The following KCNIP2 variants were observed in gnomAD, a reference collection of about 807,000 sequenced individuals.
The protein encoded by KCNIP2 is potassium voltage-gated channel interacting protein 2.
Under a neutral mutation model 39.0 loss-of-function variants are expected in KCNIP2, and 19 were observed. That is an observed-to-expected ratio of 0.49 (90% confidence interval 0.34 to 0.71). KCNIP2 has a LOEUF of 0.71. Among genes scored for constraint, KCNIP2 ranks in the 30% least tolerant of loss-of-function variants. The probability of loss-of-function intolerance (pLI) is 0.01; values close to 1 mark genes in which losing one functional copy is unlikely to be tolerated. For synonymous variants in KCNIP2, 111 were observed against 131.2 expected (o/e 0.85, Z 1.05); for missense variants, 261 against 346.0 (o/e 0.75, Z 1.95).
At chr10:101,829,410 C>T (rs1589858218) in intron 3 of KCNIP2, 2 of 603,096 alleles carry the variant, frequency 3.3e-6, no homozygotes, top group African/African-American at 1.9e-5. Flanking sequence ...AAGGCCTGGC[C>T]TGGCCCCAGA....
intron 1 of KCNIP2, among the ~76,000 whole-genome samples, chr10:101,840,062 G>T (rs549917112): frequency 1.3e-5 from 2 of 151,734 alleles, no homozygotes; most frequent in Non-Finnish European, 2.9e-5. Context: ...CTGGACGGGG[G>T]GGGGGGGTGG....
At chr10:101,829,500 T>G in intron 3 of KCNIP2, 1 of 466,332 alleles carries the variant, frequency 2.1e-6, no homozygotes, top group Non-Finnish European at 3.8e-6. Flanking sequence ...CATCTTCGTT[T>G]TAGAAAGGGA....
rs747944587 is a variant in KCNIP2 at position 101,828,371 on chromosome 10, C to T, written c.489+18G>A. ...ACTCCAGGAAACAGGCTTCCCTGGC[C>T]CACCTCGCCCAGCTCACCTCAAAAC... On this transcript the variant is annotated intron_variant, in intron 6 of 9. Coordinates refer to ENST00000356640, the MANE Select transcript of KCNIP2 (RefSeq NM_173191.3). This position sits in a 1 kb window ranked among gnomAD's most constrained non-coding sequence, Gnocchi z 6.6. The T allele has an allele frequency of 1.2e-6, 2 of 1,614,026 alleles. No individual in the cohort carries two copies. Among genetic ancestry groups the T allele is most frequent in the South Asian group, 1.1e-5 (1 of 91,046 alleles).
chr10:101,839,210 C>T (rs2066247139), intron 1 of KCNIP2, among the ~76,000 whole-genome samples: 1 of 152,180 alleles, frequency 6.6e-6, no homozygotes. Flanking sequence ...AATACACACT[C>T]CCAGAGAGAG....
Position 101,843,664 on chromosome 10 carries a change from C to T in KCNIP2, c.-96G>A. The T allele has an allele frequency of 1.6e-6, 1 of 620,294 alleles. No homozygotes were observed. Among genetic ancestry groups the T allele is most frequent in the South Asian group, 2.8e-5 (1 of 35,456 alleles). 38.4% of individuals were successfully genotyped at this position (620,294 alleles called of 1,614,324 possible). ...CGGCGCCCCCTGGCGGCCTACTGTG[C>T]TGTCGGGGCTGGGGAAGTCCGGGCT... On this transcript the variant is annotated 5_prime_UTR_variant, in exon 1 of 10. Coordinates refer to ENST00000356640, the MANE Select transcript of KCNIP2 (RefSeq NM_173191.3). The surrounding 1 kb of genome is among the most constrained non-coding windows in gnomAD (Gnocchi z 6.7).
At chr10:101,830,927 C>T (rs1589863551) in intron 2 of KCNIP2, 145 bp downstream of exon 2, 1 of 762,934 alleles carries the variant, frequency 1.3e-6, no homozygotes, top group Non-Finnish European at 2.2e-6. Flanking sequence ...CCCCCACACA[C>T]GCAGGCCTGG....
At chr10:101,842,377 G>A (rs958714072) in intron 1 of KCNIP2, among the ~76,000 whole-genome samples, 5 of 152,224 alleles carry the variant, frequency 3.3e-5, no homozygotes, top group South Asian at 4.1e-4. Flanking sequence ...GAGGATGCCC[G>A]GGCAGCCAAG....
In KCNIP2 at chr10:101,828,272, AG is replaced by A. The variant is rs753920509; in HGVS notation, c.490-15del. 3 of 1,613,348 alleles carry A rather than the reference AG, an allele frequency of 1.9e-6. No homozygotes were observed. In the Admixed American group the frequency reaches 5.0e-5, roughly 27 times the overall value. ...AGCCACAAAGTCCTGGGAAGGAGGC[AG>A]GAGGGAGCTGTGTCCTCGGGTACTC... On this transcript the variant is annotated splice_polypyrimidine_tract_variant and intron_variant, in intron 6 of 9. Coordinates refer to ENST00000356640, the MANE Select transcript of KCNIP2 (RefSeq NM_173191.3). This position sits in a 1 kb window ranked among gnomAD's most constrained non-coding sequence, Gnocchi z 6.6.
At chr10:101,834,343 A>C in intron 1 of KCNIP2, 1 of 399,242 alleles carries the variant, frequency 2.5e-6, no homozygotes, top group Non-Finnish European at 4.4e-6. Flanking sequence ...CGAGCACAGC[A>C]ACCATCTCCA....
chr10:101,831,367 T>C (rs1387611190), intron 1 of KCNIP2, among the ~76,000 whole-genome samples, 200 bp from the exon 2 acceptor site: 4 of 152,056 alleles, frequency 2.6e-5, no homozygotes, highest in Admixed American at 2.6e-4. Flanking sequence ...CTCAGGCACT[T>C]GGTTTAATGG....
rs756366199 is a variant in KCNIP2 at position 101,843,595 on chromosome 10, G to A, written c.-27C>T. 12 of 1,400,322 alleles carry A rather than the reference G, an allele frequency of 8.6e-6. No individual in the cohort carries two copies. In the East Asian group the frequency reaches 2.2e-4, roughly 26 times the overall value. 86.7% of individuals were successfully genotyped at this position (1,400,322 alleles called of 1,614,324 possible). A position where few individuals can be genotyped will look rare whatever the true frequency, so the allele number is the denominator to read the frequency against. On this transcript the variant is annotated 5_prime_UTR_variant, in exon 1 of 10. Transcript: ENST00000356640. The surrounding 1 kb of genome is among the most constrained non-coding windows in gnomAD (Gnocchi z 6.7). ...GCCCCCGGCGCCCCGCTCCCGCCCG[G>A]GCCGTGGGAGGGGGCGCCGGGTGGC...
intron 1 of KCNIP2, among the ~76,000 whole-genome samples, chr10:101,842,209 C>T (rs1209461725): frequency 6.6e-6 from 1 of 152,242 alleles, no homozygotes; most frequent in Non-Finnish European, 1.5e-5. Flanking sequence ...TGCTGGCTTT[C>T]TAGAGCAGGC....
Position 101,832,344 on chromosome 10 carries a change from G to A in KCNIP2, c.74-1177C>T, listed in dbSNP as rs551034523. On this transcript the variant is annotated intron_variant, in intron 1 of 9. Transcript: ENST00000356640. ...TGTGTGTGTGTGTGTGTGTGTGTCTGTGTCTCCCAGCTGCACTGCATCCAG... is the reference window on the plus strand; with the variant it reads ...TGTGTGTGTGTGTGTGTGTGTGTCTATGTCTCCCAGCTGCACTGCATCCAG... Among the ~76,000 whole-genome samples, 310 of 146,826 alleles carry A rather than the reference G, an allele frequency of 2.1e-3. 1 individual carries two copies. The highest frequency in any genetic ancestry group is 3.1e-3 in the Non-Finnish European group (209 of 66,500).
intron 1 of KCNIP2, among the ~76,000 whole-genome samples, chr10:101,837,849 T>G (rs187389831): frequency 6.6e-6 from 1 of 152,178 alleles, no homozygotes; most frequent in Admixed American, 6.5e-5. Context: ...AAACCTTGAA[T>G]GCCAAGCCAG....
chr10:101,830,326 T>C, intron 2 of KCNIP2: 1 of 1,133,126 alleles, frequency 8.8e-7, no homozygotes. Context: ...CGCCATCCTC[T>C]ACACCTGTCA....
chr10:101,834,412 A>G, intron 1 of KCNIP2: 1 of 399,018 alleles, frequency 2.5e-6, no homozygotes, highest in Non-Finnish European at 4.4e-6. Flanking sequence ...AGGTTCAGAT[A>G]CGCCGGTTCA....
rs1014852079 is a variant in KCNIP2 at position 101,827,073 on chromosome 10, G to A, written c.*280C>T. 2 of 497,162 alleles carry A rather than the reference G, an allele frequency of 4.0e-6. No homozygotes were observed. The highest frequency in any genetic ancestry group is 7.7e-5 in the South Asian group (1 of 12,990). The allele number at this position is 497,162 out of a possible 1,614,324, so 30.8% of individuals were successfully genotyped here. ...GAGTAGGGGTAGGAGGTGGGGAACC[G>A]CTCAATTCCTACAGGAGGGGCACTC... On this transcript the variant is annotated 3_prime_UTR_variant, in exon 10 of 10. Coordinates refer to ENST00000356640, the MANE Select transcript of KCNIP2 (RefSeq NM_173191.3).
In KCNIP2 at chr10:101,827,682, G is replaced by A. The variant is rs760269458; in HGVS notation, c.765+7C>T. 12 of 1,613,962 alleles carry A rather than the reference G, an allele frequency of 7.4e-6. No individual in the cohort carries two copies. The highest frequency in any genetic ancestry group is 1.0e-5 in the Non-Finnish European group (12 of 1,179,812). On this transcript the variant is annotated splice_region_variant and intron_variant, in intron 9 of 9. Transcript: ENST00000356640. ...GTCAGGGTAATGTAGAGGGCAGGGAGCTGTACCTTTTGACAAGACTCAATG... is the reference window on the plus strand; with the variant it reads ...GTCAGGGTAATGTAGAGGGCAGGGAACTGTACCTTTTGACAAGACTCAATG...
intron 1 of KCNIP2, among the ~76,000 whole-genome samples, chr10:101,832,406 A>G (rs10466173): frequency 0.55 from 83,972 of 151,350 alleles, 23,429 homozygotes; most frequent in East Asian, 0.72. Context: ...TGACACAGTG[A>G]CTAAAGTTGG....
Sources: gnomAD v4.1 joint callset for allele counts (sites outside exome capture counted in the v4.1 genomes callset) on GRCh38, gnomAD v4.1.1 for gene constraint, Gnocchi (gnomAD v3.1) non-coding constraint, MANE v1.5 for transcripts, NCBI Gene and HGNC (gene_info 2026-07-23, HGNC 2026-07-21) for gene names.